TRIP12: variants seen among roughly 807,000 people sequenced by gnomAD.
TRIP12 encodes the protein E3 ubiquitin-protein ligase TRIP12.
Under a neutral mutation model 244.2 loss-of-function variants are expected in TRIP12, and 25 were observed. That is an observed-to-expected ratio of 0.10 (90% CI 0.07 to 0.14). The LOEUF is 0.14. Among genes scored for constraint, TRIP12 ranks in the 10% least tolerant of loss-of-function variants. The probability of loss-of-function intolerance (pLI) is 1.00; values close to 1 mark genes in which losing one functional copy is unlikely to be tolerated. For missense variants in TRIP12, 1,677 were observed against 2,486.4 expected, an observed-to-expected ratio of 0.67 and a Z score of 6.92; for synonymous variants, 905 against 873.1, an observed-to-expected ratio of 1.04 and a Z score of -0.64.
rs2039828366 is a variant in TRIP12, at chr2:229,785,788, C to T, written c.5063G>A (p.Arg1688Gln). ...ESVMQDLGSS[R>Q]AMLEIQYENE... is the part of the protein sequence containing the mutation. ...TTCATACTGGATTTCTAACATGGCC[C>T]GTGAGCTGCCGAGGTCCTGCATCAC... Residue 1688 changes from arginine (R) to glutamine (Q), a missense_variant, in exon 34 of 42, where the codon CGG (arginine) becomes CAG (glutamine). Arg to Gln is a conservative substitution (Grantham distance 43). Transcript: ENST00000675903. 4 of 1,613,772 alleles carry T rather than the reference C, an allele frequency of 2.5e-6. No individual in the cohort carries two copies. Among genetic ancestry groups the T allele is most frequent in the Non-Finnish European group, 2.5e-6 (3 of 1,179,856 alleles).
chr2:229,777,539 T>A, intron 36 of TRIP12, 60 bp from the exon 37 acceptor site: 1 of 1,546,380 alleles, frequency 6.5e-7, no homozygotes, highest in Non-Finnish European at 8.9e-7. Context: ...ATTACCTCCA[T>A]CTAAGGCACT....
chr2:229,786,757 T>G (rs938832555), intron 33 of TRIP12, among the ~76,000 whole-genome samples: 2 of 151,994 alleles, frequency 1.3e-5, no homozygotes, highest in Non-Finnish European at 2.9e-5. Context: ...GCTTTATGTT[T>G]TGTTTTGCTT....
chr2:229,895,415 T>C (rs974074580), intron 1 of TRIP12, among the ~76,000 whole-genome samples: 7 of 151,644 alleles, frequency 4.6e-5, no homozygotes, highest in African/African-American at 1.7e-4. Context: ...GTGAGACATA[T>C]CTAAACATTT....
At chr2:229,772,387 G>T (rs943635662) in intron 38 of TRIP12, among the ~76,000 whole-genome samples, 2 of 152,164 alleles carry the variant, frequency 1.3e-5, no homozygotes, top group Non-Finnish European at 2.9e-5. Flanking sequence ...GAAGAAACAG[G>T]ATAAGAAGAC....
chr2:229,919,982 C>T (rs1480713771), intron 1 of TRIP12, among the ~76,000 whole-genome samples: 1 of 152,196 alleles, frequency 6.6e-6, no homozygotes, highest in Non-Finnish European at 1.5e-5. Context: ...GATCACTTTG[C>T]ATGTGGTAAA....
In TRIP12 at chr2:229,850,868, G is replaced by T. The variant is rs534920926; in HGVS notation, c.1027+7904C>A. The stretch of plus-strand genomic sequence containing the variant: ...GAGGGGCTCAGCACCCGGGCCAGCG[G>T]CTGCGGAGAGTGTACTGGGTCCCCC... On this transcript the variant is annotated intron_variant, in intron 4 of 41. Coordinates refer to ENST00000675903, the MANE Select transcript of TRIP12 (RefSeq NM_001348323.3). Among the ~76,000 whole-genome samples the T allele has an allele frequency of 5.2e-4, 79 of 152,366 alleles. 1 individual carries two copies. In the East Asian group the frequency reaches 0.013, roughly 24 times the overall value.
At chr2:229,793,326 T>A (rs185658037) in intron 26 of TRIP12, 181 bp from the exon 27 acceptor site, 1 of 536,230 alleles carries the variant, frequency 1.9e-6, no homozygotes, top group East Asian at 3.1e-5. Flanking sequence ...AAAATTTTTA[T>A]ACGTAAGAAA....
At chr2:229,789,033 G>T in intron 31 of TRIP12, 93 bp from the exon 32 acceptor site, 3 of 1,201,700 alleles carry the variant, frequency 2.5e-6, no homozygotes, top group Non-Finnish European at 2.3e-6. Context: ...TCCATGCAAA[G>T]TACCCTGAAT....
At chr2:229,857,231 TA>T (rs2059744215) in intron 4 of TRIP12, among the ~76,000 whole-genome samples, 2 of 152,234 alleles carry the variant, frequency 1.3e-5, no homozygotes, top group South Asian at 4.1e-4. Flanking sequence ...AAAAGATGCT[TA>T]AAAGCAAGCT....
At chr2:229,808,724 T>C (rs1308724399) in intron 15 of TRIP12, among the ~76,000 whole-genome samples, 2 of 152,246 alleles carry the variant, frequency 1.3e-5, no homozygotes, top group Non-Finnish European at 2.9e-5. Flanking sequence ...AATATATTTA[T>C]GTACTTGTCT....
At chr2:229,900,935 TA>T (rs1414314539) in intron 1 of TRIP12, 1 of 150,758 alleles carries the variant, frequency 6.6e-6, no homozygotes, top group Non-Finnish European at 1.5e-5. Flanking sequence ...TCAATAAAGC[TA>T]TTTTTTTTTT....
At chr2:229,802,867 C>A (rs2044754104) in intron 20 of TRIP12, among the ~76,000 whole-genome samples, 1 of 151,940 alleles carries the variant, frequency 6.6e-6, no homozygotes, top group Admixed American at 6.6e-5. Flanking sequence ...TACAAAAAGA[C>A]AAGATCACAT....
At chr2:229,827,560 A>C (rs1357656020) in intron 8 of TRIP12, among the ~76,000 whole-genome samples, 2 of 152,178 alleles carry the variant, frequency 1.3e-5, no homozygotes, top group African/African-American at 4.8e-5. Context: ...GATGAAGATC[A>C]TCGGTATCAT....
chr2:229,866,835 C>T (rs1273375596), intron 2 of TRIP12, among the ~76,000 whole-genome samples: 1 of 152,020 alleles, frequency 6.6e-6, no homozygotes, highest in Non-Finnish European at 1.5e-5. Flanking sequence ...CCATTTAAAC[C>T]TGGCCCTGAA....
At position 229,789,527 on chromosome 2, in the gene TRIP12, G is replaced by A. The variant is rs1032450638; in HGVS notation, c.4695+84C>T. The A allele has an allele frequency of 7.3e-6, 11 of 1,510,034 alleles. No homozygotes were observed. The African/African-American group carries it at 8.3e-5, about 11-fold the overall frequency. 93.5% of individuals were successfully genotyped at this position (1,510,034 alleles called of 1,614,324 possible). ...TGGGCTAGGAGCCCTGCATTTAGCTGAATCACTGTTTCCATTTCTAGTGCA... is the reference window on the plus strand; with the variant it reads ...TGGGCTAGGAGCCCTGCATTTAGCTAAATCACTGTTTCCATTTCTAGTGCA... On this transcript the variant is annotated intron_variant, in intron 31 of 41. Coordinates refer to ENST00000675903, the MANE Select transcript of TRIP12 (RefSeq NM_001348323.3).
Position 229,799,148 on chromosome 2 carries a change from G to A in TRIP12, c.3308-99C>T, listed in dbSNP as rs538761491. ...CACAGTCTTAACAGATTAATTAACT[G>A]AAAGAACTAAGAACACTTAGTCCTC... On this transcript the variant is annotated intron_variant, in intron 22 of 41. Coordinates refer to ENST00000675903, the MANE Select transcript of TRIP12 (RefSeq NM_001348323.3). 44 of 1,531,370 alleles carry A rather than the reference G, an allele frequency of 2.9e-5. No homozygotes were observed. The African/African-American group carries it at 4.7e-4, about 16-fold the overall frequency. 94.9% of individuals were successfully genotyped at this position (1,531,370 alleles called of 1,614,324 possible).
chr2:229,833,251 A>G (rs997178194), intron 6 of TRIP12, among the ~76,000 whole-genome samples: 2 of 152,184 alleles, frequency 1.3e-5, no homozygotes, highest in Admixed American at 6.5e-5. Flanking sequence ...GTTCTATTAT[A>G]GCAGGGTCCC....
intron 2 of TRIP12, among the ~76,000 whole-genome samples, chr2:229,871,341 T>C (rs893152545): frequency 2.6e-5 from 4 of 152,268 alleles, no homozygotes; most frequent in Non-Finnish European, 5.9e-5. Flanking sequence ...GTTTATATGT[T>C]TGTCCCATCC....
chr2:229,810,649 T>C (rs2047039890), intron 15 of TRIP12, among the ~76,000 whole-genome samples: 1 of 152,220 alleles, frequency 6.6e-6, no homozygotes, highest in Non-Finnish European at 1.5e-5. Flanking sequence ...CTTTGTATTG[T>C]TAGCCCCAGA....
Sources: gnomAD v4.1 joint callset for allele counts (sites outside exome capture counted in the v4.1 genomes callset) on GRCh38, gnomAD v4.1.1 for gene constraint, MANE v1.5 for transcripts, NCBI Gene and HGNC (gene_info 2026-07-23, HGNC 2026-07-21) for gene names.